Variants in STAMBP observed in about 807,000 individuals in gnomAD.
The protein encoded by STAMBP is STAM binding protein.
A neutral mutation model predicts 50.7 loss-of-function variants in STAMBP; 31 were observed. The observed-to-expected ratio is 0.61, with a 90% confidence interval of 0.46 to 0.83. The LOEUF (loss-of-function observed/expected upper bound fraction) is 0.83, where lower values mean the gene tolerates loss of function less well. Among genes scored for constraint, STAMBP ranks in the 40% least tolerant of loss-of-function variants. STAMBP has a pLI of 0.00. For synonymous variants in STAMBP, 211 were observed against 192.4 expected (o/e 1.10, Z -0.80); for missense variants, 472 against 518.9 (o/e 0.91, Z 0.88).
In STAMBP at chr2:73,862,235, A is replaced by G; in HGVS notation, c.1251A>G (p.Ala417=). 1 of 1,612,192 alleles carries G rather than the reference A, an allele frequency of 6.2e-7. No individual in the cohort carries two copies. Among genetic ancestry groups the G allele is most frequent in the Non-Finnish European group, 8.5e-7 (1 of 1,179,306 alleles). The change falls in exon 10 of 10, where the codon GCA becomes GCG. Residue 417 remains alanine (A), a synonymous_variant. Transcript: ENST00000394070. ...GCCACGTGACTGTTGTGGACAGAGC[A>G]GTGACCATCACAGACCTTCGATGAG... ...SCSHVTVVDR[A]VTITDLR
At chr2:73,857,256 C>G (rs1039221790) in intron 7 of STAMBP, among the ~76,000 whole-genome samples, 3 of 152,148 alleles carry the variant, frequency 2.0e-5, no homozygotes, top group Non-Finnish European at 2.9e-5. Context: ...CTTCTCGCAT[C>G]AAGGCTCTGC....
chr2:73,859,230 C>T (rs748178699), intron 7 of STAMBP, 24 bp from the exon 8 acceptor site: 48 of 1,577,110 alleles, frequency 3.0e-5, no homozygotes, highest in Non-Finnish European at 3.9e-5. Context: ...GCTAAGAGTC[C>T]TCTGACTCTT....
chr2:73,838,516 G>T (rs1397479871), intron 2 of STAMBP, among the ~76,000 whole-genome samples: 1 of 152,214 alleles, frequency 6.6e-6, no homozygotes, highest in Non-Finnish European at 1.5e-5. Flanking sequence ...GATGGAAAAG[G>T]ATCTTATGGA....
In STAMBP at chr2:73,847,461, A is replaced by T; in HGVS notation, c.450A>T (p.Ala150=). The T allele has an allele frequency of 3.1e-6, 5 of 1,614,216 alleles. No individual in the cohort carries two copies. Among genetic ancestry groups the T allele is most frequent in the Middle Eastern group, 3.3e-4 (2 of 6,060 alleles). ...QELEKEKQRV[A]QQKQQQLEQE... is the part of the protein sequence containing the mutation. ...TGGAAAAGGAAAAACAGAGGGTAGC[A>T]CAACAGAAGCAGCAGCAATTGGAAC... Residue 150 remains alanine, a synonymous_variant, in exon 5 of 10, where the codon GCA becomes GCT. Coordinates refer to ENST00000394070, the MANE Select transcript of STAMBP (RefSeq NM_213622.4).
At chr2:73,840,309 G>GT (rs1157397522) in intron 2 of STAMBP, among the ~76,000 whole-genome samples, 1,138 of 104,414 alleles carry the variant, frequency 0.011, 15 homozygotes, top group African/African-American at 0.039. Context: ...ACATTTAGGG[G>GT]TTTGTTTTTT....
chr2:73,844,523 AG>A lies in STAMBP; in HGVS notation c.204-288del, dbSNP rs769499924. ...ACAAGAAAAAGATCTCTTTCTTTGGAGGTACATTTTTGGGCACAAGAAAGGC... is the reference window on the plus strand; with the variant it reads ...ACAAGAAAAAGATCTCTTTCTTTGGAGTACATTTTTGGGCACAAGAAAGGC... On this transcript the variant is annotated intron_variant, in intron 2 of 9. Transcript: ENST00000394070. 2.9e-5 allele frequency: 6 copies of A among 206,286 alleles called. No homozygotes were observed. The East Asian group carries it at 4.3e-4, about 15-fold the overall frequency. The allele number at this position is 206,286 out of a possible 1,614,324, so 12.8% of individuals were successfully genotyped here.
At chr2:73,831,976 C>G (rs1673981583) in intron 2 of STAMBP, among the ~76,000 whole-genome samples, 1 of 151,602 alleles carries the variant, frequency 6.6e-6, no homozygotes, top group Non-Finnish European at 1.5e-5. Context: ...TTCTTGTTTT[C>G]CATTTAGTAA....
At chr2:73,845,631 C>CT (rs1451864573) in intron 4 of STAMBP, among the ~76,000 whole-genome samples, 5 of 145,278 alleles carry the variant, frequency 3.4e-5, no homozygotes, top group African/African-American at 1.4e-4. Context: ...ACTTTTCAAG[C>CT]TATTTTTTTT....
At chr2:73,846,733 GAGA>G (rs1368818324) in intron 4 of STAMBP, among the ~76,000 whole-genome samples, 1 of 152,056 alleles carries the variant, frequency 6.6e-6, no homozygotes, top group Non-Finnish European at 1.5e-5. Flanking sequence ...ATGACACAGA[GAGA>G]AGAATAAAAC....
downstream of STAMBP, chr2:73,870,216 G>C (rs957511278): frequency 1.3e-5 from 2 of 152,184 alleles, no homozygotes; most frequent in Non-Finnish European, 2.9e-5. Context: ...CAGTGAAAGG[G>C]GCTTGGGAAA....
chr2:73,835,347 C>T (rs1288639250), intron 2 of STAMBP, among the ~76,000 whole-genome samples: 3 of 131,732 alleles, frequency 2.3e-5, no homozygotes, highest in Admixed American at 8.3e-5. Context: ...GAGCGAGACT[C>T]GGTCTCAAAA....
chr2:73,845,727 A>G (rs1675976763), intron 4 of STAMBP, among the ~76,000 whole-genome samples: 2 of 149,468 alleles, frequency 1.3e-5, no homozygotes, highest in Non-Finnish European at 3.0e-5. Flanking sequence ...TGCCTCCCCG[A>G]CTCAAGTGAT....
intron 7 of STAMBP, among the ~76,000 whole-genome samples, chr2:73,858,139 C>T (rs909400895): frequency 4.6e-5 from 7 of 150,694 alleles, no homozygotes; most frequent in East Asian, 1.9e-4. Context: ...CGTGCCACCA[C>T]GCCTGGCTAA....
rs1676291143 is a variant in STAMBP, at chr2:73,847,608, C to T, written c.597C>T (p.Asp199=). The change falls in exon 5 of 10, where the codon GAC becomes GAT. Residue 199 remains aspartate (D), a synonymous_variant. Coordinates refer to ENST00000394070, the MANE Select transcript of STAMBP (RefSeq NM_213622.4). The part of the protein sequence containing the change: ...DPGLGGPLVP[D]LEKPSLDVFP... ...GCCTAGGTGGCCCGCTAGTGCCTGA[C>T]TTGGAGAAGCCCTCCTTAGATGTGT... 17 of 1,614,230 alleles carry T rather than the reference C, an allele frequency of 1.1e-5. No individual in the cohort carries two copies. Among genetic ancestry groups the T allele is most frequent in the Non-Finnish European group, 1.4e-5 (17 of 1,180,036 alleles).
chr2:73,832,492 C>A (rs1250227191), intron 2 of STAMBP, among the ~76,000 whole-genome samples: 2 of 151,844 alleles, frequency 1.3e-5, no homozygotes, highest in Non-Finnish European at 2.9e-5. Flanking sequence ...CCCACCCACT[C>A]CTCTTTTCCC....
chr2:73,859,989 G>A (rs962574054), intron 8 of STAMBP, 63 bp from the exon 9 acceptor site: 3 of 1,145,974 alleles, frequency 2.6e-6, no homozygotes, highest in Admixed American at 1.7e-5. Flanking sequence ...GTGTGTGCGT[G>A]CATATGTTTG....
In STAMBP at chr2:73,862,536, G is replaced by A. The variant is rs199982630; in HGVS notation, c.*277G>A. On this transcript the variant is annotated 3_prime_UTR_variant, in exon 10 of 10. Coordinates refer to ENST00000394070, the MANE Select transcript of STAMBP (RefSeq NM_213622.4). ...GTAGCTCAGAAATTAAGAAAGAATG[G>A]TATAATGAACCCCCATATACCCTTC... 918 of 263,998 alleles carry A rather than the reference G, an allele frequency of 3.5e-3. 7 individuals are homozygous for A. Among genetic ancestry groups the A allele is most frequent in the Non-Finnish European group, 5.6e-3 (777 of 138,436 alleles). 16.4% of individuals were successfully genotyped at this position (263,998 alleles called of 1,614,324 possible). A position where few individuals can be genotyped will look rare whatever the true frequency, so the allele number is the denominator to read the frequency against.
downstream of STAMBP, among the ~76,000 whole-genome samples, chr2:73,867,535 TC>T (rs1288210597): frequency 6.6e-6 from 1 of 151,608 alleles, no homozygotes; most frequent in East Asian, 1.9e-4. Flanking sequence ...CGAGCGAAAC[TC>T]CGTCTAAAAA....
At chr2:73,836,807 T>G (rs1180151454) in intron 2 of STAMBP, among the ~76,000 whole-genome samples, 1 of 152,096 alleles carries the variant, frequency 6.6e-6, no homozygotes, top group Non-Finnish European at 1.5e-5. Flanking sequence ...GCATGCACAC[T>G]GGGGAGGGGC....
Sources: gnomAD v4.1 joint callset for allele counts (sites outside exome capture counted in the v4.1 genomes callset) on GRCh38, gnomAD v4.1.1 for gene constraint, MANE v1.5 for transcripts, NCBI Gene and HGNC (gene_info 2026-07-23, HGNC 2026-07-21) for gene names.